Variants in DNASE1 observed in about 807,000 individuals in gnomAD.
The protein encoded by DNASE1 is deoxyribonuclease-1.
Under a neutral mutation model 33.9 loss-of-function variants are expected in DNASE1, and 40 were observed. The ratio of observed to expected loss-of-function variants is 1.18; its 90% confidence interval spans 0.92 to 1.54. The LOEUF is 1.54. Ranked by LOEUF, DNASE1 falls within the 40% of genes most tolerant of loss-of-function variation. The pLI, the probability that DNASE1 is intolerant of heterozygous loss-of-function variation, is 0.00. For missense variants in DNASE1, 518 were observed against 372.6 expected, an observed-to-expected ratio of 1.39 and a Z score of -3.21; for synonymous variants, 216 against 160.0, an observed-to-expected ratio of 1.35 and a Z score of -2.64.
downstream of DNASE1, chr16:3,661,662 C>A: frequency 3.5e-6 from 1 of 288,226 alleles, no homozygotes; most frequent in Non-Finnish European, 6.4e-6. Flanking sequence ...TCAGCAAACA[C>A]CAAGATCCAC....
Position 3,657,033 on chromosome 16 carries a change from G to T in DNASE1, c.471G>T (p.Ala157=). 6.2e-7 allele frequency: 1 copy of T among 1,613,654 alleles called. No individual in the cohort carries two copies. Residue 157 remains alanine, a synonymous_variant, in exon 6 of 9, where the codon GCG becomes GCT. Transcript: ENST00000246949. The part of the protein sequence containing the change: ...VREFAIVPLH[A]APGDAVAEID... ...AGTTTGCCATTGTTCCCCTGCATGC[G>T]GCCCCGGGGGACGCAGTAGCCGAGA...
At chr16:3,657,153 A>C in intron 6 of DNASE1, 34 bp from the exon 7 acceptor site, 1 of 1,614,108 alleles carries the variant, frequency 6.2e-7, no homozygotes. Context: ...CGGCCTCCGC[A>C]TGTCCCAGGG....
rs545604530 is a variant in DNASE1 at position 3,657,935 on chromosome 16, G to A, written c.831G>A (p.Val277=). The A allele has an allele frequency of 8.2e-5, 132 of 1,613,158 alleles. No homozygotes were observed. Among genetic ancestry groups the A allele is most frequent in the Non-Finnish European group, 1.1e-4 (126 of 1,179,186 alleles). The change falls in exon 9 of 9, where the codon GTG becomes GTA. Residue 277 remains valine, a synonymous_variant. Coordinates refer to ENST00000246949, the MANE Select transcript of DNASE1 (RefSeq NM_005223.4). ...AAGCCATCAGTGACCACTATCCAGTGGAGGTGATGCTGAAGTGAGCAGCCC... is the reference window on the plus strand; with the variant it reads ...AAGCCATCAGTGACCACTATCCAGTAGAGGTGATGCTGAAGTGAGCAGCCC... ...LAQAISDHYP[V]EVMLK is the part of the protein sequence containing the mutation.
chr16:3,617,744 G>C (rs946508278), intron 1 of DNASE1, among the ~76,000 whole-genome samples: 21 of 152,120 alleles, frequency 1.4e-4, no homozygotes, highest in African/African-American at 5.1e-4. Context: ...CCAGGAGTTT[G>C]AGACCAGCCT....
At chr16:3,658,647 TG>T, downstream of DNASE1, 1 of 792,584 alleles carries the variant, frequency 1.3e-6, no homozygotes, top group Non-Finnish European at 2.0e-6. Context: ...CACTCCAGCC[TG>T]GCAACAGAGC....
chr16:3,646,051 C>T (rs981398729), intron 1 of DNASE1, among the ~76,000 whole-genome samples: 10 of 151,980 alleles, frequency 6.6e-5, no homozygotes, highest in Admixed American at 5.2e-4. Context: ...CCGAGTAGAG[C>T]CAGCCGAGTA....
At chr16:3,659,759 A>C (rs2042958967), downstream of DNASE1, 1 of 143,288 alleles carries the variant, frequency 7.0e-6, no homozygotes, top group South Asian at 2.1e-4. Flanking sequence ...TTAGATAGAT[A>C]GATAGATAGA....
exon 10 of DNASE1, chr16:3,663,667 C>T: frequency 2.1e-6 from 3 of 1,457,336 alleles, no homozygotes; most frequent in Non-Finnish European, 2.8e-6. Context: ...GCGGGCCACA[C>T]TGGGGAACAC....
chr16:3,663,736 A>C (rs1023806111), exon 10 of DNASE1: 1 of 749,826 alleles, frequency 1.3e-6, no homozygotes, highest in Non-Finnish European at 2.1e-6. Context: ...GGGTCTAAGG[A>C]AGGCTCTGAC....
chr16:3,658,618 A>T (rs1407719111), downstream of DNASE1: 1 of 638,438 alleles, frequency 1.6e-6, no homozygotes, highest in East Asian at 2.8e-5. Context: ...GGTTGTAGTG[A>T]GCCAAGATCG....
exon 10 of DNASE1, chr16:3,663,373 C>G: frequency 2.5e-6 from 4 of 1,609,616 alleles, no homozygotes; most frequent in Non-Finnish European, 3.4e-6. Context: ...GCAGGAGAGG[C>G]GTGCGGGGAG....
upstream of DNASE1, chr16:3,653,826 A>AAAAAAAAAAAAAAAACAAAAAC (rs1567205849): frequency 1.4e-5 from 2 of 144,906 alleles, no homozygotes; most frequent in African/African-American, 2.6e-5. Flanking sequence ...AAAAAAAAAA[A>AAAAAAAAAAAAAAAACAAAAAC]AAAAAAAAAA....
rs866184521 is a variant in DNASE1, at chr16:3,618,104, T to A, written c.-1359+6098T>A. ...CAAGACCAAAAAAAAAAAAAAAAAA[T>A]GGACATAGGACTTGAATAGACATTC... On this transcript the variant is annotated intron_variant and NMD_transcript_variant, in intron 1 of 11. Coordinates refer to the DNASE1 transcript ENST00000570769. 7.6e-3 allele frequency among the ~76,000 whole-genome samples: 856 copies of A among 112,864 alleles called. 3 individuals carry two copies. Among genetic ancestry groups the A allele is most frequent in the African/African-American group, 0.023 (599 of 26,508 alleles). The allele number at this position is 112,864 out of a possible 152,430, so 74.0% of individuals were successfully genotyped here. A position where few individuals can be genotyped will look rare whatever the true frequency, so the allele number is the denominator to read the frequency against.
upstream of DNASE1, chr16:3,641,284 C>T (rs996113619): frequency 9.4e-6 from 2 of 212,554 alleles, no homozygotes; most frequent in African/African-American, 2.3e-5. Context: ...CAGTGCCGCT[C>T]CCCAGAGCCC....
In DNASE1 at chr16:3,633,281, A is replaced by T. The variant is rs538012492; in HGVS notation, c.-1358-7434A>T. Among the ~76,000 whole-genome samples, 38 of 151,992 alleles carry T rather than the reference A, an allele frequency of 2.5e-4. No homozygotes were observed. The East Asian group carries it at 7.3e-3, about 29-fold the overall frequency. On this transcript the variant is annotated intron_variant and NMD_transcript_variant, in intron 1 of 11. Coordinates refer to the DNASE1 transcript ENST00000570769. ...ATATGATTACATTTTTTCCTCTCTT[A>T]GCATGCCAATTATGCTTCTTATTAT...
At chr16:3,662,156 G>A (rs1456717142), downstream of DNASE1, 5 of 1,596,292 alleles carry the variant, frequency 3.1e-6, no homozygotes, top group African/African-American at 4.0e-5. Flanking sequence ...CCGGGGTTGA[G>A]GGTGATAGAG....
At chr16:3,628,361 TATC>T (rs1226613003) in intron 1 of DNASE1, among the ~76,000 whole-genome samples, 5 of 152,182 alleles carry the variant, frequency 3.3e-5, no homozygotes, top group Admixed American at 3.3e-4. Flanking sequence ...GTTTTTTACA[TATC>T]ATATTAAATC....
intron 1 of DNASE1, among the ~76,000 whole-genome samples, chr16:3,613,310 C>T (rs1198128453): frequency 6.6e-6 from 1 of 152,190 alleles, no homozygotes; most frequent in Non-Finnish European, 1.5e-5. Context: ...TACTGCATGC[C>T]TTTTCATGGC....
upstream of DNASE1, chr16:3,654,355 G>C (rs2042459559): frequency 2.5e-6 from 1 of 398,718 alleles, no homozygotes; most frequent in Non-Finnish European, 4.4e-6. Flanking sequence ...CTTGTTCCGA[G>C]CTCCCCAGCC....
Sources: gnomAD v4.1 joint callset for allele counts (sites outside exome capture counted in the v4.1 genomes callset) on GRCh38, gnomAD v4.1.1 for gene constraint, MANE v1.5 for transcripts, NCBI Gene and HGNC (gene_info 2026-07-23, HGNC 2026-07-21) for gene names.